The following FERMT3 variants were observed in gnomAD, a reference collection of about 807,000 sequenced individuals.
FERMT3 encodes the protein fermitin family homolog 3.
In FERMT3, 33 loss-of-function variants were observed where a neutral mutation model predicts 80.8. That is an observed-to-expected ratio of 0.41 (90% CI 0.31 to 0.55). The LOEUF is 0.55. Among genes scored for constraint, FERMT3 ranks in the 20% least tolerant of loss-of-function variants. The pLI, the probability that FERMT3 is intolerant of heterozygous loss-of-function variation, is 0.31. For missense variants in FERMT3, 754 were observed against 908.7 expected (o/e 0.83, Z 2.19); for synonymous variants, 375 against 372.2 (o/e 1.01, Z -0.09).
Position 64,220,632 on chromosome 11 carries a change from T to C in FERMT3, c.1508T>C (p.Val503Ala). The change falls in exon 12 of 15, where the codon GTT becomes GCT. Residue 503 changes from valine to alanine, a missense_variant. Val to Ala is a moderately conservative substitution (Grantham distance 64). Coordinates refer to ENST00000345728, the MANE Select transcript of FERMT3 (RefSeq NM_031471.6). Reference sequence around the variant, plus strand: ...GAGGGCCTCAACCCCTACGGCCTCGTTGCCCCCCGTTTCCAGCGAAAGTTC... The same window carrying C: ...GAGGGCCTCAACCCCTACGGCCTCGCTGCCCCCCGTTTCCAGCGAAAGTTC... Reference protein sequence around the residue: ...SAEGLNPYGLVAPRFQRKFKA... With the variant: ...SAEGLNPYGLAAPRFQRKFKA... 6.2e-7 allele frequency: 1 copy of C among 1,611,564 alleles called. No individual in the cohort carries two copies. Among genetic ancestry groups the C allele is most frequent in the Non-Finnish European group, 8.5e-7 (1 of 1,179,390 alleles).
intron 6 of FERMT3, among the ~76,000 whole-genome samples, chr11:64,217,473 C>T (rs1000663787): frequency 2.6e-5 from 4 of 152,046 alleles, no homozygotes; most frequent in Non-Finnish European, 5.9e-5. Context: ...CGCTTGAACC[C>T]GGGAGGCGGA....
rs780759663 is a variant in FERMT3 at position 64,220,003 on chromosome 11, C to G, written c.1192C>G (p.Leu398Val). ...DEAPGDPIQQLNLKGCEVVPD... is the reference protein window; with the variant it reads ...DEAPGDPIQQVNLKGCEVVPD... The stretch of plus-strand genomic sequence containing the variant: ...GGCCCCTGGGGACCCCATTCAGCAG[C>G]TCAACCTCAAGGGTAAGTGCACAGG... Residue 398 changes from leucine (L) to valine (V), a missense_variant, in exon 10 of 15, where the codon CTC (leucine) becomes GTC (valine). Leu to Val is a conservative substitution (Grantham distance 32). Transcript: ENST00000345728. The G allele has an allele frequency of 1.9e-6, 3 of 1,613,620 alleles. No individual in the cohort carries two copies. Among genetic ancestry groups the G allele is most frequent in the Middle Eastern group, 1.7e-4 (1 of 6,060 alleles).
chr11:64,223,573 C>A lies in FERMT3; in HGVS notation c.*81C>A. ...CCACACCCACAGGGGCTCACTGCCC[C>A]ACACCCGCTCCAGGCAGGCACCCAG... is the stretch of plus-strand genomic sequence containing the variant. On this transcript the variant is annotated 3_prime_UTR_variant, in exon 15 of 15. Transcript: ENST00000345728. 1 of 1,486,570 alleles carries A rather than the reference C, an allele frequency of 6.7e-7. No individual in the cohort carries two copies. The highest frequency in any genetic ancestry group is 1.2e-5 in the South Asian group (1 of 84,116). 92.1% of individuals were successfully genotyped at this position (1,486,570 alleles called of 1,614,324 possible).
In FERMT3 at chr11:64,223,418, C is replaced by T. The variant is rs886043481; in HGVS notation, c.1918C>T (p.Arg640Trp). The T allele has an allele frequency of 9.3e-6, 15 of 1,613,460 alleles. No individual in the cohort carries two copies. Among genetic ancestry groups the T allele is most frequent in the Middle Eastern group, 1.6e-4 (1 of 6,084 alleles). The change falls in exon 15 of 15, where the codon CGG (arginine) becomes TGG (tryptophan). Residue 640 changes from arginine to tryptophan, a missense_variant. Arg to Trp is a moderately radical substitution (Grantham distance 101). Transcript: ENST00000345728. ...CGGGGGCTACATTTTCCTGTCGACG[C>T]GGGAGCGGGCCCGTGGGGAGGAGCT... is the stretch of plus-strand genomic sequence containing the variant. ...YIGGYIFLST[R>W]ERARGEELDE...
rs762803060 is a variant in FERMT3 at position 64,219,981 on chromosome 11, C to G, written c.1170C>G (p.Ala390=). The change falls in exon 10 of 15, where the codon GCC becomes GCG. Residue 390 remains alanine, a synonymous_variant. Transcript: ENST00000345728. This position sits in a 1 kb window ranked among gnomAD's most constrained non-coding sequence, Gnocchi z 4.0. ...TLSYYKSQDE[A]PGDPIQQLNL... is the part of the protein sequence containing the mutation. ...CCTACTACAAGAGCCAGGACGAGGCCCCTGGGGACCCCATTCAGCAGCTCA... is the reference window on the plus strand; with the variant it reads ...CCTACTACAAGAGCCAGGACGAGGCGCCTGGGGACCCCATTCAGCAGCTCA... 4 of 1,613,550 alleles carry G rather than the reference C, an allele frequency of 2.5e-6. No individual in the cohort carries two copies. The highest frequency in any genetic ancestry group is 1.7e-5 in the Admixed American group (1 of 59,998).
chr11:64,223,155 T>C lies in FERMT3; in HGVS notation c.1778T>C (p.Met593Thr). The change falls in exon 14 of 15, where the codon ATG becomes ACG. Residue 593 changes from methionine (M) to threonine (T), a missense_variant. Physicochemically the swap from Met to Thr is moderately conservative, Grantham distance 81. Coordinates refer to ENST00000345728, the MANE Select transcript of FERMT3 (RefSeq NM_031471.6). ...DVVKTWRFSN[M>T]RQWNVNWDIR... ...GTCAAGACCTGGCGTTTCAGCAACA[T>C]GCGCCAGTGGAATGTCAACTGGGAC... is the stretch of plus-strand genomic sequence containing the variant. 6.2e-7 allele frequency: 1 copy of C among 1,613,894 alleles called. No homozygotes were observed. Among genetic ancestry groups the C allele is most frequent in the African/African-American group, 1.3e-5 (1 of 75,072 alleles).
intron 2 of FERMT3, 79 bp downstream of exon 2, chr11:64,207,603 C>G: frequency 6.6e-7 from 1 of 1,509,694 alleles, no homozygotes; most frequent in Admixed American, 2.0e-5. Context: ...TCCGGGCCAT[C>G]CCTGCTGCTC....
In FERMT3 at chr11:64,219,473, T is replaced by C; in HGVS notation, c.895-51T>C. ...GGGAAGCCCGGCCTGGGGGTACTGC[T>C]AGGGGACCAGGCTGCTGGACTCAGC... On this transcript the variant is annotated intron_variant, in intron 7 of 14. Coordinates refer to ENST00000345728, the MANE Select transcript of FERMT3 (RefSeq NM_031471.6). This position sits in a 1 kb window ranked among gnomAD's most constrained non-coding sequence, Gnocchi z 4.0. 1 of 1,566,918 alleles carries C rather than the reference T, an allele frequency of 6.4e-7. No homozygotes were observed. Among genetic ancestry groups the C allele is most frequent in the Non-Finnish European group, 8.6e-7 (1 of 1,156,808 alleles).
At chr11:64,215,676 C>T (rs1427285425) in intron 6 of FERMT3, among the ~76,000 whole-genome samples, 1 of 152,046 alleles carries the variant, frequency 6.6e-6, no homozygotes, top group East Asian at 1.9e-4. Flanking sequence ...TGGGCTCAAG[C>T]AATCTTCCTG....
In FERMT3 at chr11:64,210,053, C is replaced by T. The variant is rs1370893651; in HGVS notation, c.161-558C>T. On this transcript the variant is annotated intron_variant, in intron 2 of 14. Coordinates refer to ENST00000345728, the MANE Select transcript of FERMT3 (RefSeq NM_031471.6). The surrounding 1 kb of genome is among the most constrained non-coding windows in gnomAD (Gnocchi z 4.3). ...CACATGGGAGGCCTTGTTCCGTGTC[C>T]CAGTTTGTAAGATCGTTATTGTATC... Among the ~76,000 whole-genome samples, 1 of 152,164 alleles carries T rather than the reference C, an allele frequency of 6.6e-6. No individual in the cohort carries two copies. Among genetic ancestry groups the T allele is most frequent in the Admixed American group, 6.5e-5 (1 of 15,276 alleles).
At chr11:64,222,474 A>G (rs1223612218) in intron 13 of FERMT3, among the ~76,000 whole-genome samples, 2 of 149,008 alleles carry the variant, frequency 1.3e-5, no homozygotes, top group Non-Finnish European at 1.5e-5. Flanking sequence ...CTGAGACAGG[A>G]GAATCACTTG....
In FERMT3 at chr11:64,220,205, C is replaced by G. The variant is rs765456169; in HGVS notation, c.1205-15C>G. ...CCCCTCCCGACCTCCTAGACCACCC[C>G]TTCTCTCCCTCCAGGCTGTGAGGTG... On this transcript the variant is annotated splice_polypyrimidine_tract_variant and intron_variant, in intron 10 of 14. Coordinates refer to ENST00000345728, the MANE Select transcript of FERMT3 (RefSeq NM_031471.6). 6.2e-7 allele frequency: 1 copy of G among 1,613,268 alleles called. No homozygotes were observed. Among genetic ancestry groups the G allele is most frequent in the Non-Finnish European group, 8.5e-7 (1 of 1,179,436 alleles).
At chr11:64,212,442 C>T (rs557824776) in intron 6 of FERMT3, among the ~76,000 whole-genome samples, 1 of 152,354 alleles carries the variant, frequency 6.6e-6, no homozygotes, top group South Asian at 2.1e-4. Flanking sequence ...GTTCGACTCC[C>T]TCTCACTCCT....
chr11:64,207,669 A>T, intron 2 of FERMT3, 145 bp downstream of exon 2: 1 of 1,004,798 alleles, frequency 1.0e-6, no homozygotes, highest in Non-Finnish European at 1.4e-6. Context: ...ATTTGGTTCC[A>T]AAAAAGACAT....
intron 6 of FERMT3, among the ~76,000 whole-genome samples, chr11:64,213,979 T>C (rs1446067278): frequency 1.3e-5 from 2 of 152,238 alleles, no homozygotes; most frequent in Non-Finnish European, 2.9e-5. Flanking sequence ...TTACATTCTC[T>C]TCCCTGCCCA....
In FERMT3 at chr11:64,210,584, A is replaced by G; in HGVS notation, c.161-27A>G. ...TGGGGGCACCAGGGAGGAAGGTTGGACCCAGATGTGCCCCCGTGCCCCACA... is the reference window on the plus strand; with the variant it reads ...TGGGGGCACCAGGGAGGAAGGTTGGGCCCAGATGTGCCCCCGTGCCCCACA... On this transcript the variant is annotated intron_variant, in intron 2 of 14. Transcript: ENST00000345728. This position sits in a 1 kb window ranked among gnomAD's most constrained non-coding sequence, Gnocchi z 4.3. 1 of 1,605,862 alleles carries G rather than the reference A, an allele frequency of 6.2e-7. No homozygotes were observed.
At chr11:64,207,568 G>A in intron 2 of FERMT3, 44 bp downstream of exon 2, 1 of 1,569,452 alleles carries the variant, frequency 6.4e-7, no homozygotes. Context: ...ACCATGGGCG[G>A]CCGCCACGGG....
At position 64,220,555 on chromosome 11, in the gene FERMT3, C is replaced by T; in HGVS notation, c.1431C>T (p.Arg477=). 6.2e-7 allele frequency: 1 copy of T among 1,607,744 alleles called. No homozygotes were observed. Among genetic ancestry groups the T allele is most frequent in the South Asian group, 1.1e-5 (1 of 90,376 alleles). Residue 477 remains arginine, a synonymous_variant, in exon 12 of 15, where the codon CGC becomes CGT. Coordinates refer to ENST00000345728, the MANE Select transcript of FERMT3 (RefSeq NM_031471.6). The part of the protein sequence containing the change: ...QAILAFLSLQ[R]TGSGGPGNHP... ...TCCTGGCCTTCCTCAGCCTGCAGCG[C>T]ACGGGCAGTGGGGGCCCGGGCAACC...
At chr11:64,213,141 T>C (rs954700068) in intron 6 of FERMT3, among the ~76,000 whole-genome samples, 1 of 151,876 alleles carries the variant, frequency 6.6e-6, no homozygotes, top group African/African-American at 2.4e-5. Context: ...CTGCAACCTC[T>C]TCCTCCTGGG....
Sources: allele counts gnomAD v4.1 joint callset (sites outside exome capture counted in the v4.1 genomes callset), GRCh38; gene constraint gnomAD v4.1.1; non-coding constraint Gnocchi (gnomAD v3.1); transcripts MANE v1.5; gene names NCBI Gene and HGNC (gene_info 2026-07-23, HGNC 2026-07-21).